ATXN10: variants seen among roughly 807,000 people sequenced by gnomAD.
ATXN10 encodes the protein ataxin 10.
A neutral mutation model predicts 52.9 loss-of-function variants in ATXN10; 28 were observed. The ratio of observed to expected loss-of-function variants is 0.53; its 90% confidence interval spans 0.39 to 0.73. The LOEUF is 0.73. Ranked by LOEUF, ATXN10 falls within the 30% of genes least tolerant of loss-of-function variation. The pLI is 0.00. For synonymous variants in ATXN10, 226 were observed against 221.5 expected, an observed-to-expected ratio of 1.02 and a Z score of -0.18; for missense variants, 565 against 577.0, an observed-to-expected ratio of 0.98 and a Z score of 0.21.
In ATXN10 at chr22:45,772,647, G is replaced by T. The variant is rs577822380; in HGVS notation, c.1173+32109G>T. On this transcript the variant is annotated intron_variant, in intron 9 of 11. Coordinates refer to ENST00000252934, the MANE Select transcript of ATXN10 (RefSeq NM_013236.4). This position sits in a 1 kb window ranked among gnomAD's most constrained non-coding sequence, Gnocchi z 4.1. ...TTAAATATACAGCTCTCTTTGGGGGGAATCAATGTCTTACTGTGTTGAGTC... is the reference window on the plus strand; with the variant it reads ...TTAAATATACAGCTCTCTTTGGGGGTAATCAATGTCTTACTGTGTTGAGTC... 6.6e-6 allele frequency among the ~76,000 whole-genome samples: 1 copy of T among 152,172 alleles called. No homozygotes were observed. Among genetic ancestry groups the T allele is most frequent in the Non-Finnish European group, 1.5e-5 (1 of 68,020 alleles).
At chr22:45,748,582 C>T (rs1925826879) in intron 9 of ATXN10, among the ~76,000 whole-genome samples, 1 of 152,132 alleles carries the variant, frequency 6.6e-6, no homozygotes, top group African/African-American at 2.4e-5. Flanking sequence ...TCTGTTCTAG[C>T]TCAATTCTGA....
intron 9 of ATXN10, chr22:45,792,640 C>T (rs750537684): frequency 4.0e-5 from 10 of 248,872 alleles, no homozygotes; most frequent in Admixed American, 2.2e-4. Flanking sequence ...TGAGAAGTCA[C>T]GGCAAGTTCC....
intron 9 of ATXN10, among the ~76,000 whole-genome samples, chr22:45,741,694 A>G (rs1925542508): frequency 1.3e-5 from 2 of 152,178 alleles, no homozygotes; most frequent in Admixed American, 1.3e-4. Context: ...AAATAGAAAA[A>G]AAAAATAAGG....
rs1924405670 is a variant in ATXN10, at chr22:45,715,362, A to G, written c.648-3051A>G. ...CACCTGCTTTTCAGCCATGGGCAGG[A>G]CTCATAGACAAATATCAGTATAGAC... On this transcript the variant is annotated intron_variant, in intron 5 of 11. Transcript: ENST00000252934. This position sits in a 1 kb window ranked among gnomAD's most constrained non-coding sequence, Gnocchi z 4.4. 6.6e-6 allele frequency among the ~76,000 whole-genome samples: 1 copy of G among 152,214 alleles called. No homozygotes were observed. The highest frequency in any genetic ancestry group is 2.4e-5 in the African/African-American group (1 of 41,450).
rs1924514016 is a variant in ATXN10 at position 45,718,127 on chromosome 22, A to T, written c.648-286A>T. On this transcript the variant is annotated intron_variant, in intron 5 of 11. Coordinates refer to ENST00000252934, the MANE Select transcript of ATXN10 (RefSeq NM_013236.4). The surrounding 1 kb of genome is among the most constrained non-coding windows in gnomAD (Gnocchi z 4.4). Reference sequence around the variant, plus strand: ...ATGAAGAATTTTTCTTTCTCAACTTAGATAACAGCTATAGTAGCCCTGTCT... The same window carrying T: ...ATGAAGAATTTTTCTTTCTCAACTTTGATAACAGCTATAGTAGCCCTGTCT... Among the ~76,000 whole-genome samples, 1 of 152,260 alleles carries T rather than the reference A, an allele frequency of 6.6e-6. No homozygotes were observed.
At chr22:45,738,549 TGA>T (rs1925387000) in intron 7 of ATXN10, 180 bp from the exon 8 acceptor site, 1 of 566,146 alleles carries the variant, frequency 1.8e-6, no homozygotes, top group African/African-American at 1.9e-5. Context: ...GTGAAAATGA[TGA>T]GTCGTGTACA....
At position 45,690,364 on chromosome 22, in the gene ATXN10, C is replaced by A. The variant is rs1402003097; in HGVS notation, c.308+461C>A. 6.6e-6 allele frequency among the ~76,000 whole-genome samples: 1 copy of A among 151,920 alleles called. No individual in the cohort carries two copies. Among genetic ancestry groups the A allele is most frequent in the Non-Finnish European group, 1.5e-5 (1 of 68,018 alleles). On this transcript the variant is annotated intron_variant, in intron 2 of 11. Coordinates refer to ENST00000252934, the MANE Select transcript of ATXN10 (RefSeq NM_013236.4). The surrounding 1 kb of genome is among the most constrained non-coding windows in gnomAD (Gnocchi z 4.5). ...TGCCCTTTACATCTGCTGGGAGAGG[C>A]CCTCTACAGGCCTTGCCATTGGAGT...
rs1425934958 is a variant in ATXN10, at chr22:45,844,362, C to T, written c.*691C>T. ...ACCCATTCTGTGTCAAGGTGAATGC[C>T]TGTGTCCTCCCCAGCTTCATGCCTC... On this transcript the variant is annotated 3_prime_UTR_variant, in exon 12 of 12. Coordinates refer to ENST00000252934, the MANE Select transcript of ATXN10 (RefSeq NM_013236.4). 6.5e-6 allele frequency: 1 copy of T among 152,768 alleles called. No individual in the cohort carries two copies. The highest frequency in any genetic ancestry group is 2.1e-4 in the South Asian group (1 of 4,830). The allele number at this position is 152,768 out of a possible 1,614,324, so 9.5% of individuals were successfully genotyped here.
At chr22:45,685,177 A>C (rs937982045) in intron 1 of ATXN10, among the ~76,000 whole-genome samples, 1 of 152,062 alleles carries the variant, frequency 6.6e-6, no homozygotes, top group African/African-American at 2.4e-5. Context: ...AGACCTATCT[A>C]ACCTGTTACA....
At chr22:45,785,926 G>A (rs1927308903) in intron 9 of ATXN10, among the ~76,000 whole-genome samples, 1 of 152,192 alleles carries the variant, frequency 6.6e-6, no homozygotes, top group African/African-American at 2.4e-5. Context: ...TAAGGTTTCT[G>A]GTTGTTTTGG....
Position 45,741,230 on chromosome 22 carries a change from A to G in ATXN10, c.1173+692A>G, listed in dbSNP as rs560117092. Among the ~76,000 whole-genome samples, 8 of 152,310 alleles carry G rather than the reference A, an allele frequency of 5.3e-5. 1 individual carries two copies. The South Asian group carries it at 1.7e-3, about 32-fold the overall frequency. The stretch of plus-strand genomic sequence containing the variant: ...GGTGGCAGAATGTCTTGCATTGTAC[A>G]TGTGTGTCTGCAGTATGACTTTGCC... On this transcript the variant is annotated intron_variant, in intron 9 of 11. Coordinates refer to ENST00000252934, the MANE Select transcript of ATXN10 (RefSeq NM_013236.4).
Position 45,835,103 on chromosome 22 carries a change from C to T in ATXN10, c.1238-7888C>T, listed in dbSNP as rs1929122648. On this transcript the variant is annotated intron_variant, in intron 10 of 11. Coordinates refer to ENST00000252934, the MANE Select transcript of ATXN10 (RefSeq NM_013236.4). This position sits in a 1 kb window ranked among gnomAD's most constrained non-coding sequence, Gnocchi z 5.0. ...TTCATTGCCACAGGATCCTTCACCGCCAAAACCCCGTGAATGTGAGGTACC... is the reference window on the plus strand; with the variant it reads ...TTCATTGCCACAGGATCCTTCACCGTCAAAACCCCGTGAATGTGAGGTACC... 6.6e-6 allele frequency among the ~76,000 whole-genome samples: 1 copy of T among 152,196 alleles called. No individual in the cohort carries two copies. The highest frequency in any genetic ancestry group is 1.5e-5 in the Non-Finnish European group (1 of 68,034).
chr22:45,742,924 T>A (rs1925592713), intron 9 of ATXN10, among the ~76,000 whole-genome samples: 1 of 152,256 alleles, frequency 6.6e-6, no homozygotes, highest in Non-Finnish European at 1.5e-5. Context: ...GGACTGCCTT[T>A]CTTGAGCACA....
intron 9 of ATXN10, among the ~76,000 whole-genome samples, chr22:45,747,586 T>G (rs1925780281): frequency 6.6e-6 from 1 of 152,160 alleles, no homozygotes; most frequent in Non-Finnish European, 1.5e-5. Context: ...TAACATTGGA[T>G]CCACGTGTGT....
intron 9 of ATXN10, among the ~76,000 whole-genome samples, chr22:45,782,847 G>A (rs1927196364): frequency 6.6e-6 from 1 of 152,210 alleles, no homozygotes; most frequent in Non-Finnish European, 1.5e-5. Flanking sequence ...ACCGAGGATA[G>A]TACCAAACCC....
chr22:45,832,687 T>C (rs1310987139), intron 10 of ATXN10, among the ~76,000 whole-genome samples: 1 of 152,264 alleles, frequency 6.6e-6, no homozygotes, highest in Non-Finnish European at 1.5e-5. Flanking sequence ...GACATTCAGA[T>C]GTAAGATTAA....
In ATXN10 at chr22:45,781,395, C is replaced by T. The variant is rs1055139041; in HGVS notation, c.1174-25564C>T. Among the ~76,000 whole-genome samples, 1 of 152,154 alleles carries T rather than the reference C, an allele frequency of 6.6e-6. No individual in the cohort carries two copies. The highest frequency in any genetic ancestry group is 1.5e-5 in the Non-Finnish European group (1 of 68,038). On this transcript the variant is annotated intron_variant, in intron 9 of 11. Coordinates refer to ENST00000252934, the MANE Select transcript of ATXN10 (RefSeq NM_013236.4). This position sits in a 1 kb window ranked among gnomAD's most constrained non-coding sequence, Gnocchi z 4.2. Reference sequence around the variant, plus strand: ...CAGTAGTGAGGCACCCCTCTCTCCCCGGGTGTCAAAGGAGGTTGAGTGAGG... The same window carrying T: ...CAGTAGTGAGGCACCCCTCTCTCCCTGGGTGTCAAAGGAGGTTGAGTGAGG...
intron 9 of ATXN10, among the ~76,000 whole-genome samples, chr22:45,743,550 G>C (rs1925618513): frequency 6.6e-6 from 1 of 152,184 alleles, no homozygotes; most frequent in South Asian, 2.1e-4. Context: ...TCAGTGTTTT[G>C]TCTTGATGGA....
At chr22:45,800,570 G>T (rs1927898454) in intron 9 of ATXN10, among the ~76,000 whole-genome samples, 1 of 152,154 alleles carries the variant, frequency 6.6e-6, no homozygotes, top group Non-Finnish European at 1.5e-5. Flanking sequence ...TACTTCATAT[G>T]ACCCAGCAAT....
Sources: gnomAD v4.1 joint callset for allele counts (sites outside exome capture counted in the v4.1 genomes callset) on GRCh38, gnomAD v4.1.1 for gene constraint, Gnocchi (gnomAD v3.1) non-coding constraint, MANE v1.5 for transcripts, NCBI Gene and HGNC (gene_info 2026-07-23, HGNC 2026-07-21) for gene names.